Variants in GAGE1 observed in about 807,000 individuals in gnomAD.
The protein encoded by GAGE1 is G antigen 4.
Under a neutral mutation model 5.0 loss-of-function variants are expected in GAGE1, and 5 were observed. The observed-to-expected ratio is 1.00, with a 90% CI of 0.52 to 2.11. The LOEUF is 2.11. GAGE1 is among the 30% of genes most tolerant of loss of function. The pLI, the probability that GAGE1 is intolerant of heterozygous loss-of-function variation, is 0.01. For synonymous variants in GAGE1, 6 were observed against 14.8 expected, an observed-to-expected ratio of 0.40 and a Z score of 1.37; for missense variants, 9 against 38.9, an observed-to-expected ratio of 0.23 and a Z score of 2.04.
chrX:49,604,618 A>T (rs1331757634), intron 4 of GAGE1, among the ~76,000 whole-genome samples: 1 of 112,367 alleles, frequency 8.9e-6, no homozygotes, highest in African/African-American at 3.2e-5. Context: ...GGACACAGAG[A>T]TCATCTGCTT....
chrX:49,604,804 T>G (rs2066642485), intron 4 of GAGE1, among the ~76,000 whole-genome samples: 1 of 111,827 alleles, frequency 8.9e-6, no homozygotes, highest in Admixed American at 9.5e-5. Context: ...ATTCTCCCTC[T>G]TCTTGGTTTG....
In GAGE1 at chrX:49,607,381, A is replaced by G. The variant is rs1462505744; in HGVS notation, c.*1366A>G. ...GACATTACCTGTACTTTTATTTCAT[A>G]TGCTCATTTGTTGGACGTTGTTATC... On this transcript the variant is annotated 3_prime_UTR_variant, in exon 5 of 5. Transcript: ENST00000381700. 8.9e-6 allele frequency: 1 copy of G among 111,947 alleles called. No individual in the cohort carries two copies. Among genetic ancestry groups the G allele is most frequent in the Non-Finnish European group, 1.9e-5 (1 of 53,196 alleles). The allele number at this position is 111,947 out of a possible 1,213,427, so 9.2% of individuals were successfully genotyped here. A position where few individuals can be genotyped will look rare whatever the true frequency, so the allele number is the denominator to read the frequency against.
At chrX:49,604,174 A>G (rs1313763952) in intron 4 of GAGE1, among the ~76,000 whole-genome samples, 2 of 112,609 alleles carry the variant, frequency 1.8e-5, no homozygotes, top group African/African-American at 6.4e-5. Flanking sequence ...TTTTAGTAAG[A>G]GAGAGTTAAC....
At position 49,606,811 on chromosome X, in the gene GAGE1, G is replaced by A. The variant is rs371276805; in HGVS notation, c.*796G>A. ...TTTCTTTGCTACTAAGAAAGTGAGC[G>A]GGCACTCTGCTTCATGTTTACTTTT... On this transcript the variant is annotated 3_prime_UTR_variant, in exon 5 of 5. Transcript: ENST00000381700. 3.6e-5 allele frequency: 4 copies of A among 111,831 alleles called. No individual in the cohort carries two copies. The East Asian group carries it at 1.1e-3, about 31-fold the overall frequency. 9.2% of individuals were successfully genotyped at this position (111,831 alleles called of 1,213,427 possible).
At chrX:49,602,120 G>T (rs1348893664) in intron 3 of GAGE1, among the ~76,000 whole-genome samples, 1 of 111,278 alleles carries the variant, frequency 9.0e-6, no homozygotes, top group African/African-American at 3.3e-5. Flanking sequence ...AGCCCAGCCT[G>T]GGAAACACAG....
chrX:49,605,152 A>G (rs1404328880), intron 4 of GAGE1: 1 of 1,000,001 alleles, frequency 1.0e-6, no homozygotes, highest in Non-Finnish European at 1.3e-6. Context: ...TAAGTCAGTG[A>G]TGCTCAGCAT....
chrX:49,605,932 T>TAAC, intron 4 of GAGE1, 61 bp from the exon 5 acceptor site: 3 of 604,665 alleles, frequency 5.0e-6, no homozygotes, highest in Non-Finnish European at 6.8e-6. Flanking sequence ...ATAATAATAA[T>TAAC]AATAATAATA....
chrX:49,606,194 C>A lies in GAGE1; in HGVS notation c.*179C>A. ...TCTTTGCAATTTTGTATTCTATCTC[C>A]TTGAGCTGTGTGTAGAGGCATAATT... On this transcript the variant is annotated 3_prime_UTR_variant, in exon 5 of 5. Transcript: ENST00000381700. The A allele has an allele frequency of 3.8e-6, 1 of 263,716 alleles. No homozygotes were observed. The highest frequency in any genetic ancestry group is 2.0e-4 in the South Asian group (1 of 5,099). 21.7% of individuals were successfully genotyped at this position (263,716 alleles called of 1,213,427 possible).
In GAGE1 at chrX:49,606,036, T is replaced by G; in HGVS notation, c.*21T>G. The G allele has an allele frequency of 9.6e-7, 1 of 1,042,459 alleles. No individual in the cohort carries two copies. 85.9% of individuals were successfully genotyped at this position (1,042,459 alleles called of 1,213,427 possible). ...GTTAAAAGAAGACATGCTGAAATGT[T>G]GCAGGCTGCTCCTATGTTGGAAAAT... is the stretch of plus-strand genomic sequence containing the variant. On this transcript the variant is annotated 3_prime_UTR_variant, in exon 5 of 5. Transcript: ENST00000381700.
intron 3 of GAGE1, among the ~76,000 whole-genome samples, chrX:49,602,243 C>G (rs2066614390): frequency 8.9e-6 from 1 of 112,128 alleles, no homozygotes; most frequent in Non-Finnish European, 1.9e-5. Flanking sequence ...GTTTTTGTGC[C>G]TAGTGGCTGG....
intron 4 of GAGE1, 119 bp from the exon 5 acceptor site, chrX:49,605,874 C>G: frequency 2.3e-6 from 1 of 437,989 alleles, no homozygotes; most frequent in Non-Finnish European, 3.2e-6. Flanking sequence ...CTCCACTGTA[C>G]TCCAGCCTGG....
Position 49,605,086 on chromosome X carries a change from A to T in GAGE1, c.332-907A>T, listed in dbSNP as rs782147061. 9 of 1,017,268 alleles carry T rather than the reference A, an allele frequency of 8.8e-6. No individual in the cohort carries two copies. The African/African-American group carries it at 1.2e-4, about 13-fold the overall frequency. 83.8% of individuals were successfully genotyped at this position (1,017,268 alleles called of 1,213,427 possible). On this transcript the variant is annotated intron_variant, in intron 4 of 4. Transcript: ENST00000381700. ...TAAATCTTTCCCCACGGAAACCTTG[A>T]GTGACTGAAATATCAAATGGCAAGA...
chrX:49,602,100 C>A (rs1191473595), intron 3 of GAGE1, among the ~76,000 whole-genome samples: 5 of 110,627 alleles, frequency 4.5e-5, no homozygotes, highest in African/African-American at 1.7e-4. Flanking sequence ...TGCTTGAGTC[C>A]TGGAGTTCAA....
At chrX:49,604,985 T>C in intron 4 of GAGE1, 1 of 943,088 alleles carries the variant, frequency 1.1e-6, no homozygotes, top group Non-Finnish European at 1.4e-6. Flanking sequence ...AATTTTTTTT[T>C]TCATTTTTGT....
rs781838153 is a variant in GAGE1 at position 49,604,044 on chromosome X, G to C, written c.331+251G>C. Among the ~76,000 whole-genome samples the C allele has an allele frequency of 1.9e-3, 210 of 112,516 alleles. 1 individual carries two copies. Among genetic ancestry groups the C allele is most frequent in the African/African-American group, 6.5e-3 (203 of 31,054 alleles). ...ATTGTTGTATTTTTAGTAGAGACAG[G>C]GTTTCGTTATGTTGCACAGGTTGTT... On this transcript the variant is annotated intron_variant, in intron 4 of 4. Coordinates refer to ENST00000381700, the MANE Select transcript of GAGE1 (RefSeq NM_001040663.4).
At chrX:49,604,442 G>C (rs782358090) in intron 4 of GAGE1, among the ~76,000 whole-genome samples, 5 of 112,340 alleles carry the variant, frequency 4.5e-5, no homozygotes, top group Admixed American at 1.9e-4. Context: ...GCACTCATGC[G>C]GGTTCTAATA....
intron 4 of GAGE1, among the ~76,000 whole-genome samples, chrX:49,604,010 G>T (rs1423944098): frequency 8.9e-6 from 1 of 112,870 alleles, no homozygotes; most frequent in Non-Finnish European, 1.9e-5. Flanking sequence ...GCTCCGCCGT[G>T]CCCAGCTAAT....
In GAGE1 at chrX:49,608,360, G is replaced by A. The variant is rs919250435; in HGVS notation, c.*2345G>A. On this transcript the variant is annotated 3_prime_UTR_variant, in exon 5 of 5. Coordinates refer to ENST00000381700, the MANE Select transcript of GAGE1 (RefSeq NM_001040663.4). ...TGAACATAAAGGTGTTTAAGTTGTTGCTCAAAATATGGAAAGAATCTAGCT... is the reference window on the plus strand; with the variant it reads ...TGAACATAAAGGTGTTTAAGTTGTTACTCAAAATATGGAAAGAATCTAGCT... 8.9e-6 allele frequency: 1 copy of A among 111,852 alleles called. No homozygotes were observed. The highest frequency in any genetic ancestry group is 3.2e-5 in the African/African-American group (1 of 30,791). The allele number at this position is 111,852 out of a possible 1,213,427, so 9.2% of individuals were successfully genotyped here. A position where few individuals can be genotyped will look rare whatever the true frequency, so the allele number is the denominator to read the frequency against.
chrX:49,602,565 C>T (rs1456574504), intron 3 of GAGE1, among the ~76,000 whole-genome samples: 1 of 80,609 alleles, frequency 1.2e-5, no homozygotes, highest in Non-Finnish European at 3.1e-5. Flanking sequence ...CACACTCACA[C>T]ACACACACAC....
Sources: gnomAD v4.1 joint callset for allele counts (sites outside exome capture counted in the v4.1 genomes callset) on GRCh38, gnomAD v4.1.1 for gene constraint, MANE v1.5 for transcripts, NCBI Gene and HGNC (gene_info 2026-07-23, HGNC 2026-07-21) for gene names.